UST: variants seen among roughly 807,000 people sequenced by gnomAD.
UST encodes the protein uronyl 2-sulfotransferase, also known as chondroitin sulfate 2-O-sulfotransferase.
A neutral mutation model predicts 45.6 loss-of-function variants in UST; 21 were observed. The ratio of observed to expected loss-of-function variants is 0.46; its 90% confidence interval spans 0.33 to 0.66. UST has a LOEUF of 0.66. Among genes scored for constraint, UST ranks in the 30% least tolerant of loss-of-function variants. UST has a pLI of 0.02. For synonymous variants in UST, 215 were observed against 200.6 expected (o/e 1.07, Z -0.61); for missense variants, 463 against 512.4 (o/e 0.90, Z 0.93).
intron 1 of UST, among the ~76,000 whole-genome samples, chr6:148,776,928 A>T (rs951309918): frequency 6.6e-6 from 1 of 152,144 alleles, no homozygotes. Context: ...GTAGGTTTGC[A>T]TCTCCTGTGT....
At chr6:148,945,923 A>G (rs563869564) in intron 3 of UST, among the ~76,000 whole-genome samples, 8 of 152,218 alleles carry the variant, frequency 5.3e-5, no homozygotes, top group Non-Finnish European at 1.0e-4. Context: ...TCCAACAGCT[A>G]TTCAAATTAT....
At chr6:148,814,012 C>T (rs1777311738) in intron 1 of UST, among the ~76,000 whole-genome samples, 1 of 152,130 alleles carries the variant, frequency 6.6e-6, no homozygotes, top group African/African-American at 2.4e-5. Flanking sequence ...TTTCCAGGAA[C>T]CCATCTGGAT....
chr6:148,777,970 G>A (rs1285729772), intron 1 of UST, among the ~76,000 whole-genome samples: 5 of 152,176 alleles, frequency 3.3e-5, no homozygotes, highest in Non-Finnish European at 7.4e-5. Context: ...ATACCATCTA[G>A]CCTAGGTGTA....
At chr6:149,012,028 G>C (rs1775820210) in intron 5 of UST, among the ~76,000 whole-genome samples, 1 of 152,206 alleles carries the variant, frequency 6.6e-6, no homozygotes, top group Non-Finnish European at 1.5e-5. Flanking sequence ...GGACCAGAAA[G>C]CCACTACGGT....
intron 2 of UST, among the ~76,000 whole-genome samples, chr6:148,919,641 A>G (rs1476634371): frequency 6.6e-6 from 1 of 152,200 alleles, no homozygotes; most frequent in African/African-American, 2.4e-5. Flanking sequence ...AAGTTTTCAA[A>G]ATAGTTTGTC....
intron 7 of UST, among the ~76,000 whole-genome samples, chr6:149,065,661 A>C (rs551276406): frequency 1.1e-4 from 17 of 152,158 alleles, no homozygotes; most frequent in Admixed American, 9.2e-4. Flanking sequence ...CCATCTGCAA[A>C]AGAGGGGTCA....
At chr6:148,802,157 A>T (rs529594694) in intron 1 of UST, among the ~76,000 whole-genome samples, 1 of 152,332 alleles carries the variant, frequency 6.6e-6, no homozygotes, top group East Asian at 1.9e-4. Context: ...TGTTGAGTGT[A>T]CATTGCTAAG....
chr6:148,986,788 T>C (rs138413609), intron 5 of UST, among the ~76,000 whole-genome samples: 2 of 152,228 alleles, frequency 1.3e-5, no homozygotes, highest in Non-Finnish European at 2.9e-5. Flanking sequence ...ATTTTGCTTT[T>C]CCCTGAATTG....
At chr6:148,943,057 T>C (rs1189300428) in intron 3 of UST, among the ~76,000 whole-genome samples, 5 of 152,218 alleles carry the variant, frequency 3.3e-5, no homozygotes, top group African/African-American at 1.2e-4. Context: ...TTACCTTACT[T>C]GATTGAAGAG....
intron 5 of UST, 85 bp downstream of exon 5, chr6:148,964,648 C>G: frequency 6.5e-7 from 1 of 1,543,818 alleles, no homozygotes. Flanking sequence ...CTTCCCTTCC[C>G]AGGCCTTCTC....
intron 5 of UST, chr6:148,990,405 G>A (rs1165125229): frequency 1.0e-6 from 1 of 985,250 alleles, no homozygotes; most frequent in Non-Finnish European, 1.2e-6. Context: ...AGAGCGAGAA[G>A]CCAAAGGAGA....
rs7765805 is a variant in UST, at chr6:149,039,337, C to T, written c.937+17856C>T. The stretch of plus-strand genomic sequence containing the variant: ...CGCCTCTCAGGTTCAAGAGATTCTC[C>T]TGCCTCAGCCTCCTGAGTAGCTGGG... On this transcript the variant is annotated intron_variant, in intron 7 of 7. Coordinates refer to ENST00000367463, the MANE Select transcript of UST (RefSeq NM_005715.3). Among the ~76,000 whole-genome samples, 1,510 of 152,266 alleles carry T rather than the reference C, an allele frequency of 9.9e-3. 29 individuals carry two copies. The highest frequency in any genetic ancestry group is 0.034 in the African/African-American group (1,419 of 41,534).
At chr6:148,889,123 G>T (rs575606869) in intron 2 of UST, among the ~76,000 whole-genome samples, 1 of 152,116 alleles carries the variant, frequency 6.6e-6, no homozygotes, top group Non-Finnish European at 1.5e-5. Context: ...AGATTGCTGG[G>T]CCCAGGCCCC....
chr6:148,992,410 A>T (rs1029807179), intron 5 of UST, among the ~76,000 whole-genome samples: 1 of 152,192 alleles, frequency 6.6e-6, no homozygotes, highest in African/African-American at 2.4e-5. Context: ...CGGAGCTTGC[A>T]GTGAGCCGAG....
rs377076141 is a variant in UST, at chr6:148,842,579, G to A, written c.248-44407G>A. On this transcript the variant is annotated intron_variant, in intron 1 of 7. Coordinates refer to ENST00000367463, the MANE Select transcript of UST (RefSeq NM_005715.3). ...AAGGGAGCTAGGGAGTACAGAGCCC[G>A]AAGGAAGGTGGTGGGGAGTTTTCTC... Among the ~76,000 whole-genome samples the A allele has an allele frequency of 5.3e-5, 8 of 152,300 alleles. No homozygotes were observed. In the East Asian group the frequency reaches 1.2e-3, roughly 22 times the overall value.
intron 1 of UST, among the ~76,000 whole-genome samples, chr6:148,815,970 T>A (rs916115784): frequency 4.6e-5 from 7 of 152,334 alleles, no homozygotes; most frequent in African/African-American, 1.7e-4. Flanking sequence ...TCTGGGACAT[T>A]TCATTGCTTA....
At chr6:148,877,346 G>A (rs1489356741) in intron 1 of UST, among the ~76,000 whole-genome samples, 1 of 91,548 alleles carries the variant, frequency 1.1e-5, no homozygotes, top group Non-Finnish European at 2.2e-5. Context: ...GGGGGGTCAT[G>A]TATGAGTGCA....
chr6:149,061,960 A>G (rs1413524877), intron 7 of UST, among the ~76,000 whole-genome samples: 2 of 152,256 alleles, frequency 1.3e-5, no homozygotes, highest in Admixed American at 6.5e-5. Context: ...CAGCATTCAT[A>G]CAGCAAAGTC....
At chr6:149,010,895 C>CAAAAAAAAAAAAAAA (rs1172538648) in intron 5 of UST, among the ~76,000 whole-genome samples, 7 of 65,610 alleles carry the variant, frequency 1.1e-4, no homozygotes, top group African/African-American at 4.0e-4. Context: ...CCGTCTCAAC[C>CAAAAAAAAAAAAAAA]AAAAAAAAAA....
Sources: gnomAD v4.1 joint callset for allele counts (sites outside exome capture counted in the v4.1 genomes callset) on GRCh38, gnomAD v4.1.1 for gene constraint, MANE v1.5 for transcripts, NCBI Gene and HGNC (gene_info 2026-07-23, HGNC 2026-07-21) for gene names.